HECW2: variants seen among roughly 807,000 people sequenced by gnomAD.
The protein encoded by HECW2 is HECT, C2 and WW domain containing E3 ubiquitin protein ligase 2, also known as E3 ubiquitin-protein ligase HECW2.
HECW2 carries 61 observed loss-of-function variants against 175.2 expected under a neutral mutation model. That is an observed-to-expected ratio of 0.35 (90% CI 0.28 to 0.43). The LOEUF (loss-of-function observed/expected upper bound fraction) is 0.43, where lower values mean the gene tolerates loss of function less well. Ranked by LOEUF, HECW2 falls within the 20% of genes least tolerant of loss-of-function variation. The pLI, the probability that HECW2 is intolerant of heterozygous loss-of-function variation, is 1.00. For missense variants in HECW2, 1,524 were observed against 2,000.5 expected, an observed-to-expected ratio of 0.76 and a Z score of 4.54; for synonymous variants, 671 against 731.0, an observed-to-expected ratio of 0.92 and a Z score of 1.32.
chr2:196,257,702 C>T, intron 18 of HECW2, 121 bp downstream of exon 18: 1 of 686,274 alleles, frequency 1.5e-6, no homozygotes, highest in South Asian at 1.9e-5. Context: ...AATATTTCCA[C>T]AAGTCTAAAG....
At chr2:196,438,630 C>T (rs1423194627) in intron 1 of HECW2, among the ~76,000 whole-genome samples, 1 of 152,230 alleles carries the variant, frequency 6.6e-6, no homozygotes, top group African/African-American at 2.4e-5. Flanking sequence ...TGTCATTGAA[C>T]TAGCTGACAA....
chr2:196,240,782 A>G (rs1688421402), intron 20 of HECW2, among the ~76,000 whole-genome samples: 1 of 152,040 alleles, frequency 6.6e-6, no homozygotes, highest in Non-Finnish European at 1.5e-5. Context: ...TACCCTACCT[A>G]TGACCAGTGT....
chr2:196,201,449 G>GGT (rs369701554), intron 28 of HECW2, 61 bp from the exon 29 acceptor site: 300 of 999,250 alleles, frequency 3.0e-4, no homozygotes, highest in Middle Eastern at 6.4e-4. Context: ...AAATGTGTGT[G>GGT]GTGTGTGTGT....
chr2:196,540,589 G>C (rs886683614), intron 1 of HECW2, among the ~76,000 whole-genome samples: 1 of 152,014 alleles, frequency 6.6e-6, no homozygotes. Context: ...GACTACAAGA[G>C]TACAACACCA....
chr2:196,288,602 A>G (rs1250597807), intron 14 of HECW2: 1 of 152,214 alleles, frequency 6.6e-6, no homozygotes, highest in Non-Finnish European at 1.5e-5. Flanking sequence ...GTCATCATGC[A>G]TTTCCTATAA....
intron 1 of HECW2, among the ~76,000 whole-genome samples, chr2:196,433,684 C>A (rs556815987): frequency 6.6e-6 from 1 of 152,144 alleles, no homozygotes; most frequent in Non-Finnish European, 1.5e-5. Flanking sequence ...CTGCGACCCT[C>A]GATTTCACTT....
chr2:196,273,902 C>G (rs1393904178), intron 16 of HECW2, 119 bp downstream of exon 16: 3 of 655,874 alleles, frequency 4.6e-6, no homozygotes, highest in Non-Finnish European at 7.9e-6. Flanking sequence ...GATAATGCAG[C>G]AATTTCTCAA....
intron 7 of HECW2, among the ~76,000 whole-genome samples, chr2:196,320,911 T>C (rs1371756765): frequency 1.3e-5 from 2 of 152,220 alleles, no homozygotes; most frequent in Admixed American, 6.5e-5. Context: ...TCACCCAACA[T>C]GGCACGTAGG....
intron 14 of HECW2, among the ~76,000 whole-genome samples, chr2:196,286,770 T>C (rs73987962): frequency 0.024 from 3,723 of 152,314 alleles, 161 homozygotes; most frequent in African/African-American, 0.085. Context: ...GAGGTATCAG[T>C]TGTTTCTAAG....
chr2:196,416,680 T>C (rs1289404869), intron 2 of HECW2, among the ~76,000 whole-genome samples: 1 of 152,230 alleles, frequency 6.6e-6, no homozygotes, highest in South Asian at 2.1e-4. Flanking sequence ...ACCCTGCATG[T>C]GTGACCCAAG....
chr2:196,204,321 C>T (rs1006442903), intron 28 of HECW2, among the ~76,000 whole-genome samples: 2 of 150,842 alleles, frequency 1.3e-5, no homozygotes, highest in Non-Finnish European at 2.9e-5. Flanking sequence ...TCCTCACCAA[C>T]ACTTATTTCT....
rs188257649 is a variant in HECW2, at chr2:196,354,643, C to T, written c.293-10879G>A. ...CATTTTCACCATGGAACACACAAAGCCTTTTTAAAGAGATCTCCATCTTAT... is the reference window on the plus strand; with the variant it reads ...CATTTTCACCATGGAACACACAAAGTCTTTTTAAAGAGATCTCCATCTTAT... On this transcript the variant is annotated intron_variant, in intron 2 of 28. Transcript: ENST00000644978. Among the ~76,000 whole-genome samples the T allele has an allele frequency of 4.6e-5, 7 of 152,286 alleles. No homozygotes were observed. The East Asian group carries it at 1.3e-3, about 29-fold the overall frequency.
chr2:196,237,307 C>G (rs1038733364), intron 21 of HECW2, among the ~76,000 whole-genome samples: 2 of 152,194 alleles, frequency 1.3e-5, no homozygotes, highest in African/African-American at 4.8e-5. Flanking sequence ...GCAGTGTACA[C>G]TGTATCCAAT....
chr2:196,391,523 A>G (rs1575492915), intron 2 of HECW2, among the ~76,000 whole-genome samples: 1 of 152,336 alleles, frequency 6.6e-6, no homozygotes, highest in Non-Finnish European at 1.5e-5. Context: ...TTTAGATGAT[A>G]GGATCTCACA....
chr2:196,414,740 C>T (rs1695207692), intron 2 of HECW2, among the ~76,000 whole-genome samples: 1 of 152,174 alleles, frequency 6.6e-6, no homozygotes, highest in Non-Finnish European at 1.5e-5. Context: ...GCCCCAACAC[C>T]AGCTTTGTTG....
At chr2:196,488,460 T>G (rs558089771) in intron 1 of HECW2, among the ~76,000 whole-genome samples, 1 of 152,202 alleles carries the variant, frequency 6.6e-6, no homozygotes, top group Non-Finnish European at 1.5e-5. Flanking sequence ...ATGAGCTCTA[T>G]TCCCTTTATG....
At chr2:196,295,815 A>C (rs147556793) in intron 13 of HECW2, among the ~76,000 whole-genome samples, 16 of 152,322 alleles carry the variant, frequency 1.1e-4, no homozygotes, top group African/African-American at 3.6e-4. Context: ...AGAAATCTTA[A>C]GGCTGGTCTT....
At chr2:196,484,655 T>G (rs1686943723) in intron 1 of HECW2, among the ~76,000 whole-genome samples, 1 of 152,130 alleles carries the variant, frequency 6.6e-6, no homozygotes, top group Non-Finnish European at 1.5e-5. Context: ...TGGCTCTTGT[T>G]CATCTCCTAA....
intron 1 of HECW2, among the ~76,000 whole-genome samples, chr2:196,444,732 C>T (rs1447564251): frequency 6.6e-6 from 1 of 152,204 alleles, no homozygotes; most frequent in East Asian, 1.9e-4. Flanking sequence ...GGGAAGGCCT[C>T]TCACAAGTAG....
Sources: gnomAD v4.1 joint callset for allele counts (sites outside exome capture counted in the v4.1 genomes callset) on GRCh38, gnomAD v4.1.1 for gene constraint, MANE v1.5 for transcripts, NCBI Gene and HGNC (gene_info 2026-07-23, HGNC 2026-07-21) for gene names.